KIF18B: variants seen among roughly 807,000 people sequenced by gnomAD.
KIF18B encodes the protein kinesin family member 18B.
KIF18B carries 49 observed loss-of-function variants against 80.9 expected under a neutral mutation model. That is an observed-to-expected ratio of 0.61 (90% CI 0.48 to 0.77). The LOEUF (loss-of-function observed/expected upper bound fraction) is 0.77. Among genes scored for constraint, KIF18B ranks in the 30% least tolerant of loss-of-function variants. The pLI is 0.00. For synonymous variants in KIF18B, 439 were observed against 463.9 expected (o/e 0.95, Z 0.69); for missense variants, 994 against 1,127.7 (o/e 0.88, Z 1.70).
In KIF18B at chr17:44,932,976, T is replaced by C; in HGVS notation, c.1073A>G (p.Asn358Ser). 38 of 1,605,660 alleles carry C rather than the reference T, an allele frequency of 2.4e-5. No individual in the cohort carries two copies. The highest frequency in any genetic ancestry group is 1.7e-4 in the Middle Eastern group (1 of 6,028). Reference sequence around the variant, plus strand: ...GATGTGACAGTCCAGGCTGGTCACATTGCTCTTCAGCTGAGATGGGGAACA... The same window carrying C: ...GATGTGACAGTCCAGGCTGGTCACACTGCTCTTCAGCTGAGATGGGGAACA... Reference protein sequence around the residue: ...AKEIRLSLKSNVTSLDCHISQ... With the variant: ...AKEIRLSLKSSVTSLDCHISQ... The change falls in exon 8 of 16, where the codon AAT becomes AGT. Residue 358 changes from asparagine to serine, a missense_variant. By Grantham distance (46) the Asn-to-Ser change is conservative. Coordinates refer to ENST00000593135, the MANE Select transcript of KIF18B (RefSeq NM_001265577.2).
chr17:44,934,864 C>G lies in KIF18B; in HGVS notation c.543G>C (p.Lys181Asn), dbSNP rs1308906104. 1 of 1,550,852 alleles carries G rather than the reference C, an allele frequency of 6.4e-7. No homozygotes were observed. The highest frequency in any genetic ancestry group is 2.4e-5 in the East Asian group (1 of 40,914). ...GPLAIREDPD[K>N]GVVVQGLSFH... ...AAGAAAGTCCTTGCACCACCACCCC[C>G]TTGTCGGGGTCCTCGCGGATGGCAA... Residue 181 changes from lysine (K) to asparagine (N), a missense_variant, in exon 4 of 16, where the codon AAG becomes AAC. Transcript: ENST00000593135. The surrounding 1 kb of genome is among the most constrained non-coding windows in gnomAD (Gnocchi z 5.4).
chr17:44,947,140 A>AAAAAAAAAAAC (rs2052527002), intron 1 of KIF18B, among the ~76,000 whole-genome samples: 1 of 148,040 alleles, frequency 6.8e-6, no homozygotes, highest in Non-Finnish European at 1.5e-5. Context: ...AAAAAAAAAA[A>AAAAAAAAAAAC]AATTTTACTG....
At position 44,931,698 on chromosome 17, in the gene KIF18B, G is replaced by A; in HGVS notation, c.1421C>T (p.Thr474Ile). The A allele has an allele frequency of 6.2e-7, 1 of 1,614,010 alleles. No homozygotes were observed. Among genetic ancestry groups the A allele is most frequent in the Non-Finnish European group, 8.5e-7 (1 of 1,179,900 alleles). ...VPTQMPEQNPTHALPESPRLT... is the reference protein window; with the variant it reads ...VPTQMPEQNPIHALPESPRLT... ...GCGAGGGGACTCTGGCAGTGCATGTGTGGGGTTCTGCTCTGGCATCTGGGT... is the reference window on the plus strand; with the variant it reads ...GCGAGGGGACTCTGGCAGTGCATGTATGGGGTTCTGCTCTGGCATCTGGGT... The change falls in exon 11 of 16, where the codon ACA (threonine) becomes ATA (isoleucine). Residue 474 changes from threonine to isoleucine, a missense_variant. Coordinates refer to ENST00000593135, the MANE Select transcript of KIF18B (RefSeq NM_001265577.2).
At chr17:44,937,879 T>C (rs2052339298) in intron 1 of KIF18B, among the ~76,000 whole-genome samples, 1 of 152,136 alleles carries the variant, frequency 6.6e-6, no homozygotes, top group African/African-American at 2.4e-5. Flanking sequence ...TTTATACAAG[T>C]AGTCTTTATA....
At chr17:44,935,193 C>T (rs2052255938) in intron 3 of KIF18B, 66 bp downstream of exon 3, 4 of 1,479,890 alleles carry the variant, frequency 2.7e-6, no homozygotes, top group Non-Finnish European at 3.6e-6. Context: ...CCAGCTCACT[C>T]CACCCCATGG....
rs1382801522 is a variant in KIF18B, at chr17:44,928,508, C to T, written c.1794G>A (p.Arg598=). Residue 598 remains arginine (R), a synonymous_variant, in exon 13 of 16, where the codon AGG becomes AGA. Coordinates refer to ENST00000593135, the MANE Select transcript of KIF18B (RefSeq NM_001265577.2). The stretch of plus-strand genomic sequence containing the variant: ...GGGTGTGCAGGGGGCCACTCAGTCG[C>T]CTCGCCATAGTCCGGGTCACAGGGC... The part of the protein sequence containing the change: ...YTGPVTRTMA[R]RLSGPLHTLG... 7 of 1,492,232 alleles carry T rather than the reference C, an allele frequency of 4.7e-6. No individual in the cohort carries two copies. Among genetic ancestry groups the T allele is most frequent in the Non-Finnish European group, 5.3e-6 (6 of 1,126,380 alleles). 92.4% of individuals were successfully genotyped at this position (1,492,232 alleles called of 1,614,324 possible). A position where few individuals can be genotyped will look rare whatever the true frequency, so the allele number is the denominator to read the frequency against.
At chr17:44,933,118 A>G in intron 7 of KIF18B, 132 bp from the exon 8 acceptor site, 1 of 726,758 alleles carries the variant, frequency 1.4e-6, no homozygotes, top group Non-Finnish European at 2.3e-6. Context: ...GGGGAGACAC[A>G]GCAGAGAAGG....
chr17:44,944,201 C>T (rs2052469149), intron 1 of KIF18B, among the ~76,000 whole-genome samples: 1 of 151,926 alleles, frequency 6.6e-6, no homozygotes, highest in Non-Finnish European at 1.5e-5. Context: ...TTAGTAAGAT[C>T]TTTGCAACTA....
intron 1 of KIF18B, among the ~76,000 whole-genome samples, chr17:44,945,294 C>T (rs2052490054): frequency 1.3e-5 from 2 of 152,192 alleles, no homozygotes; most frequent in Admixed American, 6.5e-5. Context: ...CTCCTGGGCT[C>T]AAGCTGTCCA....
Position 44,935,356 on chromosome 17 carries a change from T to TC in KIF18B, c.373dup (p.Asp125GlyfsTer36). On this transcript the variant is annotated frameshift_variant, in exon 3 of 16. Coordinates refer to ENST00000593135, the MANE Select transcript of KIF18B (RefSeq NM_001265577.2). LOFTEE classifies it high-confidence loss of function. ...GGTGGTCAGGTACATGATGCCGGGG[T>TC]CCCCCTCCCTTCCCAGCATGGTGTG... The TC allele has an allele frequency of 1.2e-6, 2 of 1,612,102 alleles. No individual in the cohort carries two copies. The highest frequency in any genetic ancestry group is 4.5e-5 in the East Asian group (2 of 44,830).
At position 44,924,857 on chromosome 17, in the gene KIF18B, CTT is replaced by C. The variant is rs987682544; in HGVS notation, c.*1221_*1222del. ...CATTAAGCCTGAATTCCCCTTTACACTTTATTTTACACTGAACGTGTATCCTA... is the reference window on the plus strand; with the variant it reads ...CATTAAGCCTGAATTCCCCTTTACACTATTTTACACTGAACGTGTATCCTA... On this transcript the variant is annotated 3_prime_UTR_variant, in exon 16 of 16. Coordinates refer to ENST00000593135, the MANE Select transcript of KIF18B (RefSeq NM_001265577.2). 5 of 151,770 alleles carry C rather than the reference CTT, an allele frequency of 3.3e-5. No homozygotes were observed. The highest frequency in any genetic ancestry group is 9.7e-5 in the African/African-American group (4 of 41,216). The allele number at this position is 151,770 out of a possible 1,614,324, so 9.4% of individuals were successfully genotyped here.
At position 44,926,159 on chromosome 17, in the gene KIF18B, C is replaced by T. The variant is rs1334713925; in HGVS notation, c.2480G>A (p.Ser827Asn). 5.0e-6 allele frequency: 8 copies of T among 1,613,780 alleles called. No individual in the cohort carries two copies. The highest frequency in any genetic ancestry group is 1.7e-5 in the Admixed American group (1 of 60,000). Reference sequence around the variant, plus strand: ...GAGGTCCTTTCCATTCCTCCGGTTGCTAGGGCACAGGGGACTCAAGGGCAG... The same window carrying T: ...GAGGTCCTTTCCATTCCTCCGGTTGTTAGGGCACAGGGGACTCAAGGGCAG... ...PELPLSPLCP[S>N]NRRNGKDLIR... The change falls in exon 16 of 16, where the codon AGC becomes AAC. Residue 827 changes from serine to asparagine, a missense_variant. Ser to Asn is a conservative substitution (Grantham distance 46, BLOSUM62 1). Transcript: ENST00000593135.
chr17:44,942,623 G>C (rs1389995116), intron 1 of KIF18B, among the ~76,000 whole-genome samples: 1 of 152,212 alleles, frequency 6.6e-6, no homozygotes, highest in Admixed American at 6.5e-5. Context: ...TAAACTCCAA[G>C]AGGAGGACCT....
In KIF18B at chr17:44,934,237, G is replaced by C. The variant is rs1218090291; in HGVS notation, c.881C>G (p.Ala294Gly). 2 of 1,609,870 alleles carry C rather than the reference G, an allele frequency of 1.2e-6. No individual in the cohort carries two copies. Among genetic ancestry groups the C allele is most frequent in the Admixed American group, 3.3e-5 (2 of 59,834 alleles). ...TACTGGCCTGTGCTGCTTTACCTTTGCATCGGCCAAGGCATTGAGGACGTT... is the reference window on the plus strand; with the variant it reads ...TACTGGCCTGTGCTGCTTTACCTTTCCATCGGCCAAGGCATTGAGGACGTT... ...LINVLNALAD[A>G]KGRKTHVPYR... Residue 294 changes from alanine to glycine, a missense_variant, in exon 6 of 16, where the codon GCA becomes GGA. Transcript: ENST00000593135. This position sits in a 1 kb window ranked among gnomAD's most constrained non-coding sequence, Gnocchi z 5.4.
intron 3 of KIF18B, 88 bp from the exon 4 acceptor site, chr17:44,935,023 G>A (rs1367365389): frequency 2.0e-6 from 2 of 1,016,032 alleles, no homozygotes; most frequent in African/African-American, 3.2e-5. Context: ...GCTGAGGCCG[G>A]GATGTATCTG....
At chr17:44,936,622 ATATTTTTTTTTTTTTTT>A (rs2052315350) in intron 1 of KIF18B, among the ~76,000 whole-genome samples, 2 of 43,848 alleles carry the variant, frequency 4.6e-5, no homozygotes, top group African/African-American at 1.0e-4. Flanking sequence ...ATATATATAT[ATATTTTTTTTTTTTTTT>A]TTTTTTTTTT....
At chr17:44,929,635 T>C (rs955718849) in intron 11 of KIF18B, among the ~76,000 whole-genome samples, 6 of 152,218 alleles carry the variant, frequency 3.9e-5, no homozygotes, top group Admixed American at 2.6e-4. Context: ...ATACCTGACA[T>C]GTAATAAGCA....
intron 1 of KIF18B, among the ~76,000 whole-genome samples, chr17:44,947,133 AAAAAAAAAAT>A (rs2052526760): frequency 1.4e-5 from 2 of 144,830 alleles, no homozygotes; most frequent in African/African-American, 2.5e-5. Context: ...AAAAAAAAAA[AAAAAAAAAAT>A]TTTACTGCGT....
chr17:44,937,290 C>T (rs1158325159), intron 1 of KIF18B, among the ~76,000 whole-genome samples: 6 of 152,122 alleles, frequency 3.9e-5, no homozygotes, highest in African/African-American at 7.2e-5. Flanking sequence ...ATTACATTTA[C>T]GTATTTATTA....
Sources: allele counts gnomAD v4.1 joint callset (sites outside exome capture counted in the v4.1 genomes callset), GRCh38; gene constraint gnomAD v4.1.1; non-coding constraint Gnocchi (gnomAD v3.1); transcripts MANE v1.5; gene names NCBI Gene and HGNC (gene_info 2026-07-23, HGNC 2026-07-21).